The following MARS1 variants were observed in gnomAD, a reference collection of about 807,000 sequenced individuals.
MARS1 encodes methionine--tRNA ligase, cytoplasmic.
Under a neutral mutation model 119.5 loss-of-function variants are expected in MARS1, and 80 were observed. The observed-to-expected ratio is 0.67, with a 90% CI of 0.56 to 0.81. MARS1 has a LOEUF of 0.81. MARS1 is among the 30% of genes least tolerant of loss of function. MARS1 has a pLI of 0.00. For synonymous variants in MARS1, 418 were observed against 433.4 expected (o/e 0.96, Z 0.44); for missense variants, 945 against 1,116.5 (o/e 0.85, Z 2.19).
At position 57,489,404 on chromosome 12, in the gene MARS1, T is replaced by C; in HGVS notation, c.280-20T>C. On this transcript the variant is annotated intron_variant, in intron 3 of 20. Coordinates refer to ENST00000262027, the MANE Select transcript of MARS1 (RefSeq NM_004990.4). ...CCTTGTTCTGCGTGGCCATCCTGAC[T>C]CATGTCCCCTGCATTTTAGCCAGCT... 1.9e-6 allele frequency: 3 copies of C among 1,614,206 alleles called. No homozygotes were observed. Among genetic ancestry groups the C allele is most frequent in the Non-Finnish European group, 2.5e-6 (3 of 1,180,034 alleles).
At chr12:57,507,123 C>A (rs1196567605) in intron 11 of MARS1, among the ~76,000 whole-genome samples, 2 of 151,708 alleles carry the variant, frequency 1.3e-5, no homozygotes, top group African/African-American at 4.8e-5. Flanking sequence ...ATCCATTTAA[C>A]CCTGAGTGGA....
At position 57,500,470 on chromosome 12, in the gene MARS1, G is replaced by A. The variant is rs1280661109; in HGVS notation, c.1241G>A (p.Arg414Gln). The A allele has an allele frequency of 2.0e-5, 33 of 1,614,066 alleles. No individual in the cohort carries two copies. The highest frequency in any genetic ancestry group is 2.6e-5 in the Non-Finnish European group (31 of 1,180,046). ...CCCTTCTGTGGCTATGAGGAGGCTC[G>A]GGGTGACCAGTGTGACAAGTGTGGC... ...VCPFCGYEEA[R>Q]GDQCDKCGKL... The change falls in exon 10 of 21, where the codon CGG becomes CAG. Residue 414 changes from arginine (R) to glutamine (Q), a missense_variant. Transcript: ENST00000262027.
Position 57,489,552 on chromosome 12 carries a change from G to A in MARS1, c.408G>A (p.Leu136=). ...HSLSRQNCPF[L]AGETESLADI... is the part of the protein sequence containing the mutation. ...TGAGTCGTCAGAACTGTCCTTTCCT[G>A]GCTGGGGTGAGTTGGGTCTTGAGAT... is the stretch of plus-strand genomic sequence containing the variant. The change falls in exon 4 of 21, where the codon CTG becomes CTA. Residue 136 remains leucine, a synonymous_variant. Transcript: ENST00000262027. The A allele has an allele frequency of 6.2e-7, 1 of 1,614,130 alleles. No homozygotes were observed. The highest frequency in any genetic ancestry group is 8.5e-7 in the Non-Finnish European group (1 of 1,180,030).
chr12:57,505,400 A>G (rs1463354379), intron 11 of MARS1, among the ~76,000 whole-genome samples: 1 of 151,728 alleles, frequency 6.6e-6, no homozygotes, highest in Non-Finnish European at 1.5e-5. Flanking sequence ...GACCTCAGGT[A>G]ATCCATCCAC....
chr12:57,515,521 T>C (rs911794744), intron 18 of MARS1, 185 bp downstream of exon 18: 2 of 627,622 alleles, frequency 3.2e-6, no homozygotes, highest in African/African-American at 3.7e-5. Context: ...TTGTTCTTCA[T>C]GCCAGAAACC....
rs1394419863 is a variant in MARS1 at position 57,498,441 on chromosome 12, G to C, written c.909G>C (p.Trp303Cys). The change falls in exon 9 of 21, where the codon TGG (tryptophan) becomes TGC (cysteine). Residue 303 changes from tryptophan to cysteine, a missense_variant. Coordinates refer to ENST00000262027, the MANE Select transcript of MARS1 (RefSeq NM_004990.4). ...VFARYSRLRQ[W>C]NTLYLCGTDE... ...GCAGGTACTCTCGCCTCCGCCAGTG[G>C]AACACCCTCTATCTGTGTGGGACAG... The C allele has an allele frequency of 1.2e-6, 2 of 1,613,980 alleles. No homozygotes were observed. Among genetic ancestry groups the C allele is most frequent in the Admixed American group, 1.7e-5 (1 of 60,012 alleles).
intron 1 of MARS1, 107 bp from the exon 2 acceptor site, chr12:57,488,912 A>G: frequency 3.2e-6 from 3 of 937,778 alleles, no homozygotes; most frequent in Non-Finnish European, 5.0e-6. Flanking sequence ...GAGACTGCCC[A>G]TCTTTCTTTT....
chr12:57,497,390 C>T (rs1441555907), intron 7 of MARS1, among the ~76,000 whole-genome samples: 1 of 152,108 alleles, frequency 6.6e-6, no homozygotes, highest in Admixed American at 6.6e-5. Flanking sequence ...ATCGGGGAGG[C>T]AGTGACTGTA....
intron 14 of MARS1, 30 bp from the exon 15 acceptor site, chr12:57,512,721 G>C: frequency 7.1e-6 from 11 of 1,547,440 alleles, no homozygotes; most frequent in Non-Finnish European, 8.0e-6. Flanking sequence ...GATGTGAGCA[G>C]ATGGTTCTCA....
intron 4 of MARS1, 32 bp from the exon 5 acceptor site, chr12:57,489,864 G>A: frequency 6.3e-7 from 1 of 1,583,384 alleles, no homozygotes; most frequent in Non-Finnish European, 8.7e-7. Flanking sequence ...TGTCTCATTT[G>A]TGTACATTTT....
intron 11 of MARS1, among the ~76,000 whole-genome samples, chr12:57,510,907 C>T (rs762289382): frequency 6.6e-6 from 1 of 151,996 alleles, no homozygotes; most frequent in Non-Finnish European, 1.5e-5. Context: ...AAACCCATCT[C>T]TACTAAAAAT....
chr12:57,498,100 G>C, intron 7 of MARS1, 57 bp from the exon 8 acceptor site: 1 of 1,107,006 alleles, frequency 9.0e-7, no homozygotes, highest in Admixed American at 1.7e-5. Flanking sequence ...TGCACTTTTC[G>C]TCCCTGTTGA....
intron 5 of MARS1, 69 bp from the exon 6 acceptor site, chr12:57,490,138 G>A: frequency 6.5e-7 from 1 of 1,538,250 alleles, no homozygotes; most frequent in Non-Finnish European, 8.9e-7. Flanking sequence ...CACAAAGAAG[G>A]GGAAAGATGC....
In MARS1 at chr12:57,502,705, C is replaced by CA. The variant is rs35515685; in HGVS notation, c.1294-1503dup. Reference sequence around the variant, plus strand: ...TGGGCGACAGAGCGAGATTTTGTCTCAAAAAAAAAAAAAAAAAGCAACAAC... The same window carrying CA: ...TGGGCGACAGAGCGAGATTTTGTCTCAAAAAAAAAAAAAAAAAAGCAACAAC... On this transcript the variant is annotated intron_variant, in intron 10 of 20. Transcript: ENST00000262027. 8.0e-3 allele frequency among the ~76,000 whole-genome samples: 384 copies of CA among 47,828 alleles called. 8 individuals carry two copies. Among genetic ancestry groups the CA allele is most frequent in the Middle Eastern group, 0.02 (1 of 50 alleles). The allele number at this position is 47,828 out of a possible 152,430, so 31.4% of individuals were successfully genotyped here.
rs1407101556 is a variant in MARS1, at chr12:57,490,226, C to T, written c.510C>T (p.His170=). Residue 170 remains histidine, a synonymous_variant, in exon 6 of 21, where the codon CAC becomes CAT. Coordinates refer to ENST00000262027, the MANE Select transcript of MARS1 (RefSeq NM_004990.4). ...CCACAGAGGAGCTGAGTGCCCTGCACAGCTGGTTCCAGACACTGAGTACCC... is the reference window on the plus strand; with the variant it reads ...CCACAGAGGAGCTGAGTGCCCTGCATAGCTGGTTCCAGACACTGAGTACCC... ...AYLPEELSAL[H]SWFQTLSTQE... is the part of the protein sequence containing the mutation. The T allele has an allele frequency of 2.5e-6, 4 of 1,613,726 alleles. No individual in the cohort carries two copies. Among genetic ancestry groups the T allele is most frequent in the South Asian group, 1.1e-5 (1 of 91,052 alleles).
chr12:57,503,543 CTTT>C (rs1421013439), intron 10 of MARS1, among the ~76,000 whole-genome samples: 1 of 149,164 alleles, frequency 6.7e-6, no homozygotes, highest in African/African-American at 2.5e-5. Flanking sequence ...ACATTTGTGT[CTTT>C]TTCCTTTTTT....
Position 57,512,307 on chromosome 12 carries a change from A to G in MARS1, c.1707A>G (p.Leu569=). 3 of 1,614,116 alleles carry G rather than the reference A, an allele frequency of 1.9e-6. No homozygotes were observed. The highest frequency in any genetic ancestry group is 1.7e-5 in the Admixed American group (1 of 60,000). The change falls in exon 14 of 21, where the codon CTA becomes CTG. Residue 569 remains leucine, a synonymous_variant. Transcript: ENST00000262027. ...GCTTAGTCTTTCCTTGCTCAGCCCTAGGAGCTGAGGATAACTATACCTTGG... is the reference window on the plus strand; with the variant it reads ...GCTTAGTCTTTCCTTGCTCAGCCCTGGGAGCTGAGGATAACTATACCTTGG... The part of the protein sequence containing the change: ...FHSLVFPCSA[L]GAEDNYTLVS...
intron 15 of MARS1, 129 bp from the exon 16 acceptor site, chr12:57,514,591 G>A: frequency 2.7e-6 from 3 of 1,111,978 alleles, no homozygotes; most frequent in Non-Finnish European, 4.1e-6. Flanking sequence ...AGGGAGCCAG[G>A]AGTTACCTGT....
chr12:57,490,780 C>CTTTTTTTTTTTTTTTTTT (rs35674919), intron 7 of MARS1, 136 bp downstream of exon 7: 7 of 238,796 alleles, frequency 2.9e-5, no homozygotes, highest in African/African-American at 4.5e-5. Flanking sequence ...TCTTACATCT[C>CTTTTTTTTTTTTTTTTTT]TTTTTTTTTT....
Sources: gnomAD v4.1 joint callset for allele counts (sites outside exome capture counted in the v4.1 genomes callset) on GRCh38, gnomAD v4.1.1 for gene constraint, MANE v1.5 for transcripts, NCBI Gene and HGNC (gene_info 2026-07-23, HGNC 2026-07-21) for gene names.